The following CXCL13 variants were observed in gnomAD, a reference collection of about 807,000 sequenced individuals.
CXCL13 encodes C-X-C motif chemokine ligand 13, also known as C-X-C motif chemokine 13.
A neutral mutation model predicts 12.2 loss-of-function variants in CXCL13; 7 were observed. The observed-to-expected ratio is 0.57, with a 90% confidence interval of 0.33 to 1.07. The LOEUF is 1.07. CXCL13 is among the 50% of genes least tolerant of loss of function. CXCL13 has a pLI of 0.04. For missense variants in CXCL13, 113 were observed against 127.4 expected, an observed-to-expected ratio of 0.89 and a Z score of 0.55; for synonymous variants, 47 against 42.4, an observed-to-expected ratio of 1.11 and a Z score of -0.42.
chr4:77,541,707 G>A (rs769494890), intron 1 of CXCL13, among the ~76,000 whole-genome samples: 1 of 151,900 alleles, frequency 6.6e-6, no homozygotes, highest in Non-Finnish European at 1.5e-5. Context: ...TTTTGTTATT[G>A]TTGTTCCAAA....
At chr4:77,528,663 A>T (rs926066438) in intron 1 of CXCL13, among the ~76,000 whole-genome samples, 3 of 152,084 alleles carry the variant, frequency 2.0e-5, no homozygotes, top group African/African-American at 7.2e-5. Flanking sequence ...AGTTCATTGT[A>T]GATTCTGGAT....
intron 1 of CXCL13, among the ~76,000 whole-genome samples, chr4:77,583,931 C>G (rs1726393721): frequency 6.6e-6 from 1 of 152,128 alleles, no homozygotes; most frequent in Admixed American, 6.5e-5. Context: ...ATGCAGGGAA[C>G]TACATGGGAC....
intron 1 of CXCL13, among the ~76,000 whole-genome samples, chr4:77,590,329 G>A (rs1279418702): frequency 6.6e-6 from 1 of 152,182 alleles, no homozygotes; most frequent in African/African-American, 2.4e-5. Flanking sequence ...CGTAATAAGT[G>A]AGCCAAGGTC....
At chr4:77,562,942 CAG>C (rs1302035642) in intron 1 of CXCL13, among the ~76,000 whole-genome samples, 1 of 152,124 alleles carries the variant, frequency 6.6e-6, no homozygotes, top group Admixed American at 6.5e-5. Flanking sequence ...AGCAGGCTGC[CAG>C]AGCCAGCAGT....
intron 1 of CXCL13, among the ~76,000 whole-genome samples, chr4:77,551,313 A>G (rs1725511921): frequency 6.6e-6 from 1 of 152,218 alleles, no homozygotes; most frequent in Non-Finnish European, 1.5e-5. Flanking sequence ...AGGTTGGTCT[A>G]GTGGTAACAA....
chr4:77,605,354 T>G, upstream of CXCL13, among the ~76,000 whole-genome samples: 1 of 152,202 alleles, frequency 6.6e-6, no homozygotes, highest in East Asian at 1.9e-4. Flanking sequence ...AAAGAGACAT[T>G]CATTTGCTGT....
intron 1 of CXCL13, among the ~76,000 whole-genome samples, chr4:77,562,325 C>T (rs373148537): frequency 8.2e-4 from 124 of 151,920 alleles, no homozygotes; most frequent in African/African-American, 1.7e-3. Flanking sequence ...CTGAGGAGTG[C>T]GGGCACAAGG....
intron 1 of CXCL13, among the ~76,000 whole-genome samples, chr4:77,531,754 G>A (rs1360091457): frequency 6.6e-6 from 1 of 152,086 alleles, no homozygotes; most frequent in South Asian, 2.1e-4. Flanking sequence ...TATATATTTA[G>A]GATAGTTAGC....
intron 1 of CXCL13, among the ~76,000 whole-genome samples, chr4:77,539,343 T>TG (rs1725146480): frequency 6.6e-6 from 1 of 152,188 alleles, no homozygotes; most frequent in Non-Finnish European, 1.5e-5. Flanking sequence ...GCCAGGCTGG[T>TG]CTCAAACTCC....
At chr4:77,559,919 C>CAT (rs1364234723) in intron 1 of CXCL13, among the ~76,000 whole-genome samples, 7 of 75,356 alleles carry the variant, frequency 9.3e-5, no homozygotes, top group South Asian at 4.4e-4. Context: ...GAGACTCCAT[C>CAT]ACAAAAAAAA....
intron 1 of CXCL13, among the ~76,000 whole-genome samples, chr4:77,570,986 G>A (rs530193422): frequency 2.8e-4 from 42 of 151,970 alleles, no homozygotes; most frequent in Non-Finnish European, 5.0e-4. Context: ...ACTCCCTGAC[G>A]AATGCCGCTC....
chr4:77,527,352 A>G (rs561033473), intron 1 of CXCL13, among the ~76,000 whole-genome samples: 4 of 152,276 alleles, frequency 2.6e-5, no homozygotes, highest in East Asian at 1.9e-4. Flanking sequence ...TAAACATGCA[A>G]CTGGGCACAG....
intron 1 of CXCL13, among the ~76,000 whole-genome samples, chr4:77,526,122 A>C (rs748183234): frequency 1.3e-5 from 2 of 152,080 alleles, no homozygotes; most frequent in Non-Finnish European, 2.9e-5. Flanking sequence ...TGTATTAACT[A>C]CCACAGCCTT....
At chr4:77,515,669 CT>C (rs1724398423) in intron 1 of CXCL13, among the ~76,000 whole-genome samples, 1 of 151,924 alleles carries the variant, frequency 6.6e-6, no homozygotes, top group South Asian at 2.1e-4. Flanking sequence ...TATCCTGAGA[CT>C]TTGCTGAAGT....
At chr4:77,535,631 C>T (rs1169920847) in intron 1 of CXCL13, among the ~76,000 whole-genome samples, 1 of 148,696 alleles carries the variant, frequency 6.7e-6, no homozygotes, top group Non-Finnish European at 1.5e-5. Context: ...GTGATACTCA[C>T]TATTGGAACC....
At chr4:77,580,357 T>G (rs1251945245) in intron 1 of CXCL13, among the ~76,000 whole-genome samples, 2 of 125,958 alleles carry the variant, frequency 1.6e-5, no homozygotes, top group Non-Finnish European at 3.3e-5. Context: ...AGATGGAGTC[T>G]CTCTCTTTCA....
intron 1 of CXCL13, among the ~76,000 whole-genome samples, chr4:77,523,494 G>C (rs935911873): frequency 5.3e-5 from 8 of 151,952 alleles, no homozygotes; most frequent in South Asian, 2.1e-4. Flanking sequence ...TCTTCCACTT[G>C]ATCAAATCAG....
intron 1 of CXCL13, among the ~76,000 whole-genome samples, chr4:77,530,218 G>A (rs912203686): frequency 9.9e-5 from 15 of 152,154 alleles, no homozygotes; most frequent in African/African-American, 3.1e-4. Flanking sequence ...GTTCATCAGG[G>A]ATATTGGTCT....
chr4:77,519,754 AT>A (rs1724528516), intron 1 of CXCL13, among the ~76,000 whole-genome samples: 1 of 152,078 alleles, frequency 6.6e-6, no homozygotes, highest in Non-Finnish European at 1.5e-5. Flanking sequence ...TTTTGTTGTC[AT>A]TGCTTTTGGT....
Sources: gnomAD v4.1 joint callset for allele counts (sites outside exome capture counted in the v4.1 genomes callset) on GRCh38, gnomAD v4.1.1 for gene constraint, MANE v1.5 for transcripts, NCBI Gene and HGNC (gene_info 2026-07-23, HGNC 2026-07-21) for gene names.